C12orf42: variants seen among roughly 807,000 people sequenced by gnomAD.
The protein encoded by C12orf42 is uncharacterized protein C12orf42.
A neutral mutation model predicts 21.6 loss-of-function variants in C12orf42; 25 were observed. The observed-to-expected ratio is 1.16, with a 90% confidence interval of 0.84 to 1.62. The LOEUF (loss-of-function observed/expected upper bound fraction) is 1.62. C12orf42 is among the 40% of genes most tolerant of loss of function. C12orf42 has a pLI of 0.00. For synonymous variants in C12orf42, 174 were observed against 175.0 expected (o/e 0.99, Z 0.05); for missense variants, 483 against 459.3 (o/e 1.05, Z -0.47).
upstream of C12orf42, among the ~76,000 whole-genome samples, chr12:103,499,837 G>C (rs1398704385): frequency 2.0e-5 from 3 of 152,154 alleles, no homozygotes; most frequent in Admixed American, 6.5e-5. Context: ...TCAGACATAA[G>C]AATGTGAGTT....
intron 4 of C12orf42, among the ~76,000 whole-genome samples, chr12:103,294,634 AAG>A (rs759007346): frequency 3.9e-3 from 583 of 149,038 alleles, no homozygotes; most frequent in Non-Finnish European, 6.5e-3. Flanking sequence ...GAAAGAAAGA[AAG>A]AAGGAAAAGA....
chr12:103,426,119 T>C (rs1403456541), intron 2 of C12orf42, among the ~76,000 whole-genome samples: 4 of 152,292 alleles, frequency 2.6e-5, no homozygotes, highest in African/African-American at 9.6e-5. Flanking sequence ...GCTTGATGAA[T>C]TGACAGAAGT....
intron 4 of C12orf42, among the ~76,000 whole-genome samples, chr12:103,365,486 A>G (rs532350753): frequency 6.6e-6 from 1 of 152,264 alleles, no homozygotes; most frequent in South Asian, 2.1e-4. Context: ...GCAATCAGAC[A>G]AGAGAAATAA....
At chr12:103,433,359 AG>A (rs1341982531) in intron 2 of C12orf42, among the ~76,000 whole-genome samples, 2 of 152,252 alleles carry the variant, frequency 1.3e-5, no homozygotes, top group Admixed American at 6.5e-5. Flanking sequence ...ATTATGAATG[AG>A]GAATTCACAA....
chr12:103,475,568 T>C (rs1953985133), intron 2 of C12orf42, among the ~76,000 whole-genome samples: 1 of 152,216 alleles, frequency 6.6e-6, no homozygotes. Context: ...ATTCAGGTCA[T>C]GTTGCTGTTC....
chr12:103,146,436 T>C, the C12orf42 span, among the ~76,000 whole-genome samples: 1 of 137,780 alleles, frequency 7.3e-6, no homozygotes, highest in Admixed American at 7.9e-5. Context: ...GCTGAGATCA[T>C]GCCACTGCAC....
At chr12:103,502,562 T>G in the C12orf42 span, among the ~76,000 whole-genome samples, 1 of 152,276 alleles carries the variant, frequency 6.6e-6, no homozygotes, top group East Asian at 1.9e-4. Flanking sequence ...TCATAGAACC[T>G]ACACCTTGGT....
intron 4 of C12orf42, among the ~76,000 whole-genome samples, chr12:103,349,775 AT>A (rs773323409): frequency 1.7e-4 from 26 of 152,176 alleles, no homozygotes; most frequent in Non-Finnish European, 2.9e-5. Flanking sequence ...TGGAAATACA[AT>A]GGTAAAATGT....
the C12orf42 span, among the ~76,000 whole-genome samples, chr12:103,192,662 A>C: frequency 6.6e-6 from 1 of 152,218 alleles, no homozygotes; most frequent in Non-Finnish European, 1.5e-5. Flanking sequence ...AGGTCATTAC[A>C]TAATGATAAA....
At chr12:103,477,204 A>G (rs538732579) in intron 2 of C12orf42, among the ~76,000 whole-genome samples, 1 of 152,274 alleles carries the variant, frequency 6.6e-6, no homozygotes, top group African/African-American at 2.4e-5. Flanking sequence ...GAAAAACAAT[A>G]CATGGTAAGA....
At chr12:103,401,182 G>A (rs1449673362) in intron 3 of C12orf42, among the ~76,000 whole-genome samples, 1 of 152,008 alleles carries the variant, frequency 6.6e-6, no homozygotes, top group Admixed American at 6.6e-5. Context: ...TTAGTAGAAG[G>A]TGGTACAGGA....
At chr12:103,510,187 C>G in the C12orf42 span, among the ~76,000 whole-genome samples, 1 of 152,138 alleles carries the variant, frequency 6.6e-6, no homozygotes, top group Non-Finnish European at 1.5e-5. Flanking sequence ...TAAAAAGGAA[C>G]AAATTAATGG....
intron 3 of C12orf42, among the ~76,000 whole-genome samples, chr12:103,380,197 A>G (rs574033229): frequency 4.4e-4 from 67 of 152,334 alleles, no homozygotes; most frequent in African/African-American, 1.5e-3. Context: ...CAAGAAGTTA[A>G]ATATGCTGGC....
At chr12:103,367,506 G>A (rs1352769459) in intron 4 of C12orf42, among the ~76,000 whole-genome samples, 2 of 151,804 alleles carry the variant, frequency 1.3e-5, no homozygotes, top group Non-Finnish European at 2.9e-5. Context: ...AGCACTCAAT[G>A]CACTGACGTG....
chr12:103,082,358 C>T, the C12orf42 span, among the ~76,000 whole-genome samples: 116 of 152,258 alleles, frequency 7.6e-4, no homozygotes, highest in African/African-American at 2.4e-3. Flanking sequence ...TGTATGATTA[C>T]GCTACAATAA....
chr12:103,232,961 A>T (rs1315459902), downstream of C12orf42, among the ~76,000 whole-genome samples: 3 of 152,136 alleles, frequency 2.0e-5, no homozygotes, highest in African/African-American at 4.8e-5. Flanking sequence ...TTGACACATC[A>T]CAAAATGTGA....
intron 4 of C12orf42, among the ~76,000 whole-genome samples, chr12:103,367,229 G>C (rs1275905486): frequency 6.6e-6 from 1 of 152,026 alleles, no homozygotes; most frequent in East Asian, 1.9e-4. Flanking sequence ...TCACTCATAA[G>C]TGGAAGCTAA....
chr12:103,246,459 C>G (rs376484559), intron 10 of C12orf42, among the ~76,000 whole-genome samples: 92 of 152,032 alleles, frequency 6.1e-4, no homozygotes, highest in African/African-American at 1.6e-3. Flanking sequence ...TGGAAGAATA[C>G]CAAAATATAG....
At chr12:103,351,945 T>G (rs1425767271) in intron 4 of C12orf42, among the ~76,000 whole-genome samples, 1 of 151,240 alleles carries the variant, frequency 6.6e-6, no homozygotes, top group East Asian at 2.0e-4. Context: ...CCCTCCACCC[T>G]CTTCCTCTCT....
Sources: allele counts gnomAD v4.1 joint callset (sites outside exome capture counted in the v4.1 genomes callset), GRCh38; gene constraint gnomAD v4.1.1; transcripts MANE v1.5; gene names NCBI Gene and HGNC (gene_info 2026-07-23, HGNC 2026-07-21).